The following NBAS variants were observed in gnomAD, a reference collection of about 807,000 sequenced individuals.
NBAS encodes the protein NBAS subunit of NRZ tethering complex.
In NBAS, 219 loss-of-function variants were observed where a neutral mutation model predicts 302.5. That is an observed-to-expected ratio of 0.72 (90% CI 0.65 to 0.81). The LOEUF (loss-of-function observed/expected upper bound fraction) is 0.81, where lower values mean the gene tolerates loss of function less well. NBAS is among the 30% of genes least tolerant of loss of function. The probability of loss-of-function intolerance (pLI) is 0.00; values close to 1 mark genes in which losing one functional copy is unlikely to be tolerated. For synonymous variants in NBAS, 1,118 were observed against 1,021.6 expected, an observed-to-expected ratio of 1.09 and a Z score of -1.80; for missense variants, 2,932 against 2,841.6, an observed-to-expected ratio of 1.03 and a Z score of -0.72.
At chr2:15,305,475 G>A (rs1397248623) in intron 40 of NBAS, among the ~76,000 whole-genome samples, 1 of 137,132 alleles carries the variant, frequency 7.3e-6, no homozygotes, top group Non-Finnish European at 1.5e-5. Context: ...TTTTTTAGAT[G>A]GAATTTCACT....
chr2:15,220,062 G>C (rs1305112643), intron 47 of NBAS, among the ~76,000 whole-genome samples: 9 of 146,862 alleles, frequency 6.1e-5, no homozygotes, highest in Admixed American at 4.0e-4. Context: ...CGGACGGGGC[G>C]GCTGGCCGGG....
chr2:15,397,494 G>C (rs1675922854), intron 26 of NBAS: 2 of 556,200 alleles, frequency 3.6e-6, no homozygotes, highest in Admixed American at 4.3e-5. Context: ...TGGCGTGGGG[G>C]TGTTCGGTCC....
chr2:15,060,563 C>G, the NBAS span, among the ~76,000 whole-genome samples: 6 of 152,126 alleles, frequency 3.9e-5, no homozygotes, highest in African/African-American at 9.7e-5. Context: ...GCTCAGGACT[C>G]AGTGTTGGGG....
chr2:15,113,789 T>C, the NBAS span, among the ~76,000 whole-genome samples: 1 of 151,732 alleles, frequency 6.6e-6, no homozygotes, highest in African/African-American at 2.4e-5. Flanking sequence ...AAACTGCACC[T>C]CCAGGAAACT....
At chr2:15,456,076 A>T (rs749062317) in intron 21 of NBAS, among the ~76,000 whole-genome samples, 1 of 152,214 alleles carries the variant, frequency 6.6e-6, no homozygotes, top group South Asian at 2.1e-4. Context: ...TAACAGTTAC[A>T]AACTCAGAAC....
intron 21 of NBAS, among the ~76,000 whole-genome samples, chr2:15,433,216 G>A (rs896652959): frequency 2.0e-5 from 3 of 152,156 alleles, no homozygotes; most frequent in Admixed American, 1.3e-4. Flanking sequence ...TTAGAATTGT[G>A]AGTCTACCTT....
At position 15,391,049 on chromosome 2, in the gene NBAS, G is replaced by A. The variant is rs139604608; in HGVS notation, c.3257+3178C>T. 6.7e-3 allele frequency among the ~76,000 whole-genome samples: 1,023 copies of A among 152,060 alleles called. 12 individuals carry two copies. The highest frequency in any genetic ancestry group is 0.022 in the African/African-American group (924 of 41,476). On this transcript the variant is annotated intron_variant, in intron 28 of 51. Coordinates refer to ENST00000281513, the MANE Select transcript of NBAS (RefSeq NM_015909.4). ...CACTTGAACCCTGGAGGTGGGGGTTGCAGTGAGCCGAGATCGCACCACTGC... is the reference window on the plus strand; with the variant it reads ...CACTTGAACCCTGGAGGTGGGGGTTACAGTGAGCCGAGATCGCACCACTGC...
intron 11 of NBAS, among the ~76,000 whole-genome samples, chr2:15,500,500 TCTCA>T (rs60288701): frequency 0.026 from 2,896 of 112,136 alleles, 65 homozygotes; most frequent in African/African-American, 0.079. Context: ...ATTTTAGAAG[TCTCA>T]CACACACACA....
At chr2:14,908,924 G>A in the NBAS span, among the ~76,000 whole-genome samples, 1 of 152,126 alleles carries the variant, frequency 6.6e-6, no homozygotes, top group Non-Finnish European at 1.5e-5. Flanking sequence ...CTAGGGAATT[G>A]TAGAAAGATC....
intron 6 of NBAS, among the ~76,000 whole-genome samples, chr2:15,541,707 T>C (rs1471697299): frequency 6.6e-6 from 1 of 151,692 alleles, no homozygotes; most frequent in South Asian, 2.1e-4. Context: ...ATCAATTCCC[T>C]GTCTTTAGAC....
Position 15,167,037 on chromosome 2 carries a change from A to G in NBAS, c.*11T>C. 6.5e-7 allele frequency: 1 copy of G among 1,531,160 alleles called. No individual in the cohort carries two copies. The highest frequency in any genetic ancestry group is 8.8e-7 in the Non-Finnish European group (1 of 1,138,834). The allele number at this position is 1,531,160 out of a possible 1,614,324, so 94.8% of individuals were successfully genotyped here. A position where few individuals can be genotyped will look rare whatever the true frequency, so the allele number is the denominator to read the frequency against. On this transcript the variant is annotated 3_prime_UTR_variant, in exon 52 of 52. Coordinates refer to ENST00000281513, the MANE Select transcript of NBAS (RefSeq NM_015909.4). ...GCTTTTTCTGCTAAGGAGCAGGGCC[A>G]CAGGTGGCCCTCACACCCAGTGCTG...
the NBAS span, among the ~76,000 whole-genome samples, chr2:15,059,650 G>A: frequency 6.6e-6 from 1 of 152,170 alleles, no homozygotes; most frequent in Non-Finnish European, 1.5e-5. Context: ...GAACTTTCAT[G>A]TTTCATAGCA....
chr2:15,347,426 G>A (rs1287886809), intron 35 of NBAS, among the ~76,000 whole-genome samples: 1 of 152,200 alleles, frequency 6.6e-6, no homozygotes, highest in Non-Finnish European at 1.5e-5. Flanking sequence ...AATGGAAGAA[G>A]TAAATGCTGG....
chr2:15,015,147 C>T, the NBAS span, among the ~76,000 whole-genome samples: 2 of 148,556 alleles, frequency 1.3e-5, no homozygotes, highest in African/African-American at 5.0e-5. Context: ...TAAGAAGTTT[C>T]CCAAAAAAAA....
chr2:14,795,740 T>C, the NBAS span, among the ~76,000 whole-genome samples: 3 of 152,144 alleles, frequency 2.0e-5, no homozygotes, highest in South Asian at 6.2e-4. Flanking sequence ...TGGCCTTCTG[T>C]GCACCGCAAG....
At chr2:15,485,576 G>A (rs1045422925) in intron 12 of NBAS, among the ~76,000 whole-genome samples, 1 of 152,182 alleles carries the variant, frequency 6.6e-6, no homozygotes, top group East Asian at 1.9e-4. Flanking sequence ...CACAACCATA[G>A]GACAAAGTGC....
At chr2:15,105,450 G>A in the NBAS span, among the ~76,000 whole-genome samples, 2 of 150,814 alleles carry the variant, frequency 1.3e-5, no homozygotes, top group South Asian at 4.2e-4. Context: ...AAACCAGAAT[G>A]ACTACTTACA....
At chr2:15,121,462 C>G in the NBAS span, among the ~76,000 whole-genome samples, 1 of 151,958 alleles carries the variant, frequency 6.6e-6, no homozygotes, top group African/African-American at 2.4e-5. Flanking sequence ...GAGGAATGTT[C>G]GAGGTACACG....
At chr2:15,288,159 G>C (rs550652928) in intron 41 of NBAS, among the ~76,000 whole-genome samples, 1 of 152,350 alleles carries the variant, frequency 6.6e-6, no homozygotes, top group South Asian at 2.1e-4. Context: ...AGAGATTTGA[G>C]AAAGCACAAT....
Sources: allele counts gnomAD v4.1 joint callset (sites outside exome capture counted in the v4.1 genomes callset), GRCh38; gene constraint gnomAD v4.1.1; transcripts MANE v1.5; gene names NCBI Gene and HGNC (gene_info 2026-07-23, HGNC 2026-07-21).